The following LFNG variants were observed in gnomAD, a reference collection of about 807,000 sequenced individuals.
LFNG encodes the protein LFNG O-fucosylpeptide 3-beta-N-acetylglucosaminyltransferase.
Under a neutral mutation model 32.7 loss-of-function variants are expected in LFNG, and 15 were observed. The observed-to-expected ratio is 0.46, with a 90% CI of 0.31 to 0.71. LFNG has a LOEUF of 0.71. LFNG is among the 30% of genes least tolerant of loss of function. The probability of loss-of-function intolerance (pLI) is 0.06; values close to 1 mark genes in which losing one functional copy is unlikely to be tolerated. For missense variants in LFNG, 520 were observed against 545.7 expected (o/e 0.95, Z 0.47); for synonymous variants, 274 against 246.8 (o/e 1.11, Z -1.03).
upstream of LFNG, chr7:2,513,402 C>A: frequency 1.4e-6 from 2 of 1,445,354 alleles, no homozygotes; most frequent in Non-Finnish European, 1.9e-6. Flanking sequence ...TCCTTTGATG[C>A]TGTATCGTCT....
intron 5 of LFNG, 47 bp downstream of exon 5, chr7:2,525,817 C>T (rs1779952806): frequency 3.3e-6 from 5 of 1,511,484 alleles, no homozygotes; most frequent in Non-Finnish European, 4.6e-6. Flanking sequence ...AGGCTCCTCG[C>T]CACTGTGGGG....
In LFNG at chr7:2,526,956, G is replaced by A; in HGVS notation, c.1073+35G>A. ...CCCCGGCCCAGATGGGCTTGCGTAG[G>A]GTGGCCTAGGGGCGTCAGGGGGCCT... On this transcript the variant is annotated intron_variant, in intron 7 of 7. Coordinates refer to ENST00000222725, the MANE Select transcript of LFNG (RefSeq NM_001040167.2). The surrounding 1 kb of genome is among the most constrained non-coding windows in gnomAD (Gnocchi z 6.9). The A allele has an allele frequency of 1.3e-6, 2 of 1,596,792 alleles. No homozygotes were observed. The highest frequency in any genetic ancestry group is 1.7e-6 in the Non-Finnish European group (2 of 1,167,022).
chr7:2,526,405 A>G lies in LFNG; in HGVS notation c.983A>G (p.Glu328Gly). 3 of 1,607,310 alleles carry G rather than the reference A, an allele frequency of 1.9e-6. No individual in the cohort carries two copies. Among genetic ancestry groups the G allele is most frequent in the Non-Finnish European group, 1.7e-6 (2 of 1,179,852 alleles). ...CAGGTGCCCACCTCGGAGCTCCACGAGCAGGTGCACCATCCTCCGGGCCCC... is the reference window on the plus strand; with the variant it reads ...CAGGTGCCCACCTCGGAGCTCCACGGGCAGGTGCACCATCCTCCGGGCCCC... ...LQQVPTSELH[E>G]QVTLSYGMFE... The change falls in exon 6 of 8, where the codon GAG (glutamate) becomes GGG (glycine). Residue 328 changes from glutamate to glycine, a missense_variant. This residue lies in a region of LFNG where 150 missense variants were observed against 159.9 expected (regional missense o/e 0.94). Transcript: ENST00000222725. The surrounding 1 kb of genome is among the most constrained non-coding windows in gnomAD (Gnocchi z 6.9).
Position 2,526,347 on chromosome 7 carries a change from G to A in LFNG, c.925G>A (p.Gly309Ser), listed in dbSNP as rs752829411. 1.3e-5 allele frequency: 21 copies of A among 1,612,176 alleles called. No individual in the cohort carries two copies. In the East Asian group the frequency reaches 1.3e-4, roughly 10 times the overall value. The change falls in exon 6 of 8, where the codon GGC becomes AGC. Residue 309 changes from glycine to serine, a missense_variant. Gly to Ser is a moderately conservative substitution (Grantham distance 56). Coordinates refer to ENST00000222725, the MANE Select transcript of LFNG (RefSeq NM_001040167.2). The surrounding 1 kb of genome is among the most constrained non-coding windows in gnomAD (Gnocchi z 6.9). ...ALLGVPLIRS[G>S]LFHSHLENLQ... The stretch of plus-strand genomic sequence containing the variant: ...GCTGGGTGTGCCCCTCATCCGCAGC[G>A]GCCTCTTCCACTCCCACCTGGAGAA...
Position 2,520,156 on chromosome 7 carries a change from G to T in LFNG, c.295G>T (p.Ala99Ser). 1.4e-6 allele frequency: 2 copies of T among 1,465,380 alleles called. No homozygotes were observed. Among genetic ancestry groups the T allele is most frequent in the Middle Eastern group, 1.9e-4 (1 of 5,318 alleles). The allele number at this position is 1,465,380 out of a possible 1,614,324, so 90.8% of individuals were successfully genotyped here. The change falls in exon 1 of 8, where the codon GCC becomes TCC. Residue 99 changes from alanine (A) to serine (S), a missense_variant. Physicochemically the swap from Ala to Ser is moderately conservative, Grantham distance 99. Coordinates refer to ENST00000222725, the MANE Select transcript of LFNG (RefSeq NM_001040167.2). This position sits in a 1 kb window ranked among gnomAD's most constrained non-coding sequence, Gnocchi z 5.0. ...GPPPGAAPRP[A>S]DGHPRPLAEP... ...GCCGCCCGGGGCTGCCCCCCGCCCC[G>T]CCGACGGCCACCCGCGCCCCCTGGC...
At chr7:2,513,148 T>A, upstream of LFNG, 3 of 1,613,250 alleles carry the variant, frequency 1.9e-6, no homozygotes, top group Non-Finnish European at 2.5e-6. Context: ...ACCTACTACC[T>A]TCCCCCAGTG....
At chr7:2,517,327 C>T (rs1389033711), upstream of LFNG, among the ~76,000 whole-genome samples, 1 of 152,236 alleles carries the variant, frequency 6.6e-6, no homozygotes, top group Non-Finnish European at 1.5e-5. Flanking sequence ...AAGCTTCCTC[C>T]CGCTGCTTCC....
upstream of LFNG, chr7:2,513,465 G>A: frequency 1.9e-6 from 2 of 1,040,466 alleles, no homozygotes; most frequent in Non-Finnish European, 2.7e-6. Context: ...TGGGGAGCCT[G>A]GGATCAGGGA....
exon 1 of LFNG, chr7:2,512,651 A>G: frequency 6.2e-7 from 1 of 1,613,750 alleles, no homozygotes; most frequent in East Asian, 2.2e-5. Flanking sequence ...CAAAGCTCAG[A>G]GGGATGGATG....
Position 2,527,275 on chromosome 7 carries a change from TGC to T in LFNG, c.*66_*67del. On this transcript the variant is annotated 3_prime_UTR_variant, in exon 8 of 8. Coordinates refer to ENST00000222725, the MANE Select transcript of LFNG (RefSeq NM_001040167.2). The surrounding 1 kb of genome is among the most constrained non-coding windows in gnomAD (Gnocchi z 4.4). Reference sequence around the variant, plus strand: ...TATCCAAAGGGCCCAGGGACCCTGTTGCGCTGCCCTGGCCTCGGCATTCGAGG... The same window carrying T: ...TATCCAAAGGGCCCAGGGACCCTGTTGCTGCCCTGGCCTCGGCATTCGAGG... 6.3e-7 allele frequency: 1 copy of T among 1,593,596 alleles called. No individual in the cohort carries two copies. The highest frequency in any genetic ancestry group is 8.5e-7 in the Non-Finnish European group (1 of 1,174,658).
chr7:2,528,568 A>G, downstream of LFNG: 1 of 395,968 alleles, frequency 2.5e-6, no homozygotes. Flanking sequence ...CTTAGAGACA[A>G]CTATTTTGGA....
intron 1 of LFNG, among the ~76,000 whole-genome samples, chr7:2,522,567 C>CCACCGG (rs1779823216): frequency 6.6e-6 from 1 of 151,236 alleles, no homozygotes; most frequent in Non-Finnish European, 1.5e-5. Context: ...CTGTGGGTGT[C>CCACCGG]CCCCGGCCCC....
rs1170118283 is a variant in LFNG, at chr7:2,525,680, C to T, written c.736-5C>T. ...GGTCTCAGGACACCTTCTCCCTTCTCCCAGCGTCCTGTCCACTTCTGGTTT... is the reference window on the plus strand; with the variant it reads ...GGTCTCAGGACACCTTCTCCCTTCTTCCAGCGTCCTGTCCACTTCTGGTTT... On this transcript the variant is annotated splice_region_variant and splice_polypyrimidine_tract_variant and intron_variant, in intron 4 of 7. Coordinates refer to ENST00000222725, the MANE Select transcript of LFNG (RefSeq NM_001040167.2). 1.9e-6 allele frequency: 3 copies of T among 1,613,184 alleles called. No individual in the cohort carries two copies. The highest frequency in any genetic ancestry group is 2.5e-6 in the Non-Finnish European group (3 of 1,179,950).
At chr7:2,517,700 A>T, upstream of LFNG, 1 of 472,096 alleles carries the variant, frequency 2.1e-6, no homozygotes. Flanking sequence ...CCACTGATGT[A>T]AAGTCCAGGT....
chr7:2,514,070 G>A (rs1779552263), upstream of LFNG, among the ~76,000 whole-genome samples: 1 of 152,238 alleles, frequency 6.6e-6, no homozygotes, highest in African/African-American at 2.4e-5. Flanking sequence ...TCTGGAGGTG[G>A]TGTTTGGAAA....
chr7:2,518,280 T>C (rs2128374318), upstream of LFNG, among the ~76,000 whole-genome samples: 1 of 152,246 alleles, frequency 6.6e-6, no homozygotes, highest in African/African-American at 2.4e-5. Context: ...CATGGGAGAC[T>C]TGTCACTTGG....
At position 2,527,117 on chromosome 7, in the gene LFNG, G is replaced by C. The variant is rs1054714195; in HGVS notation, c.1074-29G>C. The stretch of plus-strand genomic sequence containing the variant: ...AGCTCAGCACCTGCCTGCCACCCAC[G>C]CAGACCAGCCCCTGCTCTGTTCCCA... On this transcript the variant is annotated intron_variant, in intron 7 of 7. Coordinates refer to ENST00000222725, the MANE Select transcript of LFNG (RefSeq NM_001040167.2). This position sits in a 1 kb window ranked among gnomAD's most constrained non-coding sequence, Gnocchi z 4.4. 6.2e-7 allele frequency: 1 copy of C among 1,603,384 alleles called. No individual in the cohort carries two copies. The highest frequency in any genetic ancestry group is 1.7e-5 in the Admixed American group (1 of 59,954).
At position 2,527,795 on chromosome 7, in the gene LFNG, A is replaced by T. The variant is rs887651620; in HGVS notation, c.*583A>T. On this transcript the variant is annotated 3_prime_UTR_variant, in exon 8 of 8. Transcript: ENST00000222725. This position sits in a 1 kb window ranked among gnomAD's most constrained non-coding sequence, Gnocchi z 4.4. ...GCCACCGCCCAGTTCCAGTGGCCCC[A>T]CGAAGCCCCCAGTGGCTGGCTGTCC... is the stretch of plus-strand genomic sequence containing the variant. The T allele has an allele frequency of 1.0e-6, 1 of 1,003,216 alleles. No homozygotes were observed. Among genetic ancestry groups the T allele is most frequent in the African/African-American group, 1.7e-5 (1 of 57,696 alleles). The allele number at this position is 1,003,216 out of a possible 1,614,324, so 62.1% of individuals were successfully genotyped here.
At chr7:2,519,273 C>T (rs955670199), upstream of LFNG, among the ~76,000 whole-genome samples, 1 of 152,202 alleles carries the variant, frequency 6.6e-6, no homozygotes, top group African/African-American at 2.4e-5. Context: ...CTCGGGAAGA[C>T]CCAGGCGCCA....
Sources: allele counts gnomAD v4.1 joint callset (sites outside exome capture counted in the v4.1 genomes callset), GRCh38; gene constraint gnomAD v4.1.1; regional missense constraint gnomAD v4.1.1; non-coding constraint Gnocchi (gnomAD v3.1); transcripts MANE v1.5; gene names NCBI Gene and HGNC (gene_info 2026-07-23, HGNC 2026-07-21).